Variants in MRPL42 observed in about 807,000 individuals in gnomAD.
The protein encoded by MRPL42 is mitochondrial ribosomal protein L42.
MRPL42 carries 17 observed loss-of-function variants against 17.9 expected under a neutral mutation model. The observed-to-expected ratio is 0.95, with a 90% CI of 0.65 to 1.42. The LOEUF (loss-of-function observed/expected upper bound fraction) is 1.42, where lower values mean the gene tolerates loss of function less well. Among genes scored for constraint, MRPL42 ranks in the 40% most tolerant of loss-of-function variants. MRPL42 has a pLI of 0.00. For synonymous variants in MRPL42, 59 were observed against 54.4 expected, an observed-to-expected ratio of 1.08 and a Z score of -0.37; for missense variants, 177 against 175.2, an observed-to-expected ratio of 1.01 and a Z score of -0.06.
chr12:93,472,389 C>A (rs1171930646), intron 2 of MRPL42, among the ~76,000 whole-genome samples: 1 of 151,940 alleles, frequency 6.6e-6, no homozygotes, highest in African/African-American at 2.4e-5. Context: ...CCAGGCTGGG[C>A]AACATAGGAA....
rs1350297637 is a variant in MRPL42 at position 93,505,574 on chromosome 12, A to G, written c.*4353A>G. ...TCAAACATTCTAACACCAAAGAAAG[A>G]TACTCCCAATTGAGCTCAGCCATCA... On this transcript the variant is annotated 3_prime_UTR_variant, in exon 6 of 6. Transcript: ENST00000549982. 1 of 152,178 alleles carries G rather than the reference A, an allele frequency of 6.6e-6. No individual in the cohort carries two copies. The highest frequency in any genetic ancestry group is 2.4e-5 in the African/African-American group (1 of 41,434). 9.4% of individuals were successfully genotyped at this position (152,178 alleles called of 1,614,324 possible).
rs938002498 is a variant in MRPL42 at position 93,510,487 on chromosome 12, C to G, written c.*9266C>G. ...AAGAGCACAATTGTTGGATTGAATGCTAAGAGAATGTTTCGTTTTGTAAAA... is the reference window on the plus strand; with the variant it reads ...AAGAGCACAATTGTTGGATTGAATGGTAAGAGAATGTTTCGTTTTGTAAAA... On this transcript the variant is annotated 3_prime_UTR_variant, in exon 6 of 6. Transcript: ENST00000549982. 4 of 152,184 alleles carry G rather than the reference C, an allele frequency of 2.6e-5. No homozygotes were observed. The highest frequency in any genetic ancestry group is 5.9e-5 in the Non-Finnish European group (4 of 68,044). The allele number at this position is 152,184 out of a possible 1,614,324, so 9.4% of individuals were successfully genotyped here.
At chr12:93,467,919 G>T (rs148577392) in intron 1 of MRPL42, among the ~76,000 whole-genome samples, 27 of 152,278 alleles carry the variant, frequency 1.8e-4, no homozygotes, top group African/African-American at 6.3e-4. Flanking sequence ...TCTCTGAAAT[G>T]ATCTTCCTGG....
intron 5 of MRPL42, among the ~76,000 whole-genome samples, chr12:93,490,064 T>C (rs1452517445): frequency 6.6e-6 from 1 of 152,220 alleles, no homozygotes; most frequent in Non-Finnish European, 1.5e-5. Flanking sequence ...GTTCAAACCT[T>C]GTTTCAACTT....
chr12:93,481,611 A>G (rs977642794), intron 4 of MRPL42, among the ~76,000 whole-genome samples: 1 of 152,084 alleles, frequency 6.6e-6, no homozygotes, highest in Non-Finnish European at 1.5e-5. Flanking sequence ...CTTTTACTTC[A>G]ATATCCATGT....
At position 93,507,613 on chromosome 12, in the gene MRPL42, G is replaced by A. The variant is rs1344810833; in HGVS notation, c.*6392G>A. On this transcript the variant is annotated 3_prime_UTR_variant, in exon 6 of 6. Coordinates refer to ENST00000549982, the MANE Select transcript of MRPL42 (RefSeq NM_014050.4). The stretch of plus-strand genomic sequence containing the variant: ...TGCGTTCTTCCAGGTAATTCTTATA[G>A]TCTGGATCCAGCTCAGCTTATCTTG... 6.6e-6 allele frequency: 1 copy of A among 152,158 alleles called. No homozygotes were observed. The highest frequency in any genetic ancestry group is 2.4e-5 in the African/African-American group (1 of 41,434). The allele number at this position is 152,158 out of a possible 1,614,324, so 9.4% of individuals were successfully genotyped here.
intron 4 of MRPL42, among the ~76,000 whole-genome samples, chr12:93,480,908 G>T (rs531960822): frequency 6.6e-6 from 1 of 152,144 alleles, no homozygotes; most frequent in East Asian, 1.9e-4. Flanking sequence ...CAAAAGCCAG[G>T]TATCATAGGT....
In MRPL42 at chr12:93,505,787, T is replaced by C. The variant is rs1953663113; in HGVS notation, c.*4566T>C. The C allele has an allele frequency of 6.6e-6, 1 of 152,224 alleles. No individual in the cohort carries two copies. Among genetic ancestry groups the C allele is most frequent in the Non-Finnish European group, 1.5e-5 (1 of 68,050 alleles). 9.4% of individuals were successfully genotyped at this position (152,224 alleles called of 1,614,324 possible). A position where few individuals can be genotyped will look rare whatever the true frequency, so the allele number is the denominator to read the frequency against. ...CTTCTGCAGAAATGCTTCACAGCCATGACTGCTTGAATTCTTGTCATGTTG... is the reference window on the plus strand; with the variant it reads ...CTTCTGCAGAAATGCTTCACAGCCACGACTGCTTGAATTCTTGTCATGTTG... On this transcript the variant is annotated 3_prime_UTR_variant, in exon 6 of 6. Coordinates refer to ENST00000549982, the MANE Select transcript of MRPL42 (RefSeq NM_014050.4).
rs1953703763 is a variant in MRPL42, at chr12:93,509,405, G to A, written c.*8184G>A. ...ACATTAAGTTTTGATTCAGGTACTT[G>A]TTGGGCACTCATATCTTTGGTGAAA... On this transcript the variant is annotated 3_prime_UTR_variant, in exon 6 of 6. Transcript: ENST00000549982. The A allele has an allele frequency of 6.6e-6, 1 of 151,760 alleles. No individual in the cohort carries two copies. The highest frequency in any genetic ancestry group is 6.6e-5 in the Admixed American group (1 of 15,218). The allele number at this position is 151,760 out of a possible 1,614,324, so 9.4% of individuals were successfully genotyped here.
Position 93,477,013 on chromosome 12 carries a change from A to G in MRPL42, c.130A>G (p.Asn44Asp). ...GTATTCTCCTCTACCAGATGACTATAATTGGTATGTATTAAAATTCAATTG... is the reference window on the plus strand; with the variant it reads ...GTATTCTCCTCTACCAGATGACTATGATTGGTATGTATTAAAATTCAATTG... Reference protein sequence around the residue: ...STYSPLPDDYNCNVELALTSD... With the variant: ...STYSPLPDDYDCNVELALTSD... The change falls in exon 3 of 6, where the codon AAT (asparagine) becomes GAT (aspartate). Residue 44 changes from asparagine to aspartate, a missense_variant. Physicochemically the swap from Asn to Asp is conservative, Grantham distance 23. Coordinates refer to ENST00000549982, the MANE Select transcript of MRPL42 (RefSeq NM_014050.4). The G allele has an allele frequency of 6.3e-7, 1 of 1,582,230 alleles. No individual in the cohort carries two copies.
chr12:93,480,416 C>T (rs145985898), intron 4 of MRPL42, among the ~76,000 whole-genome samples: 59 of 151,860 alleles, frequency 3.9e-4, no homozygotes, highest in African/African-American at 1.3e-3. Flanking sequence ...CCACCGTGCC[C>T]GGCCTTGATT....
In MRPL42 at chr12:93,513,178, T is replaced by G. The variant is rs1419579872; in HGVS notation, c.*11957T>G. The G allele has an allele frequency of 7.7e-6, 1 of 130,292 alleles. No homozygotes were observed. Among genetic ancestry groups the G allele is most frequent in the Non-Finnish European group, 1.6e-5 (1 of 61,960 alleles). The allele number at this position is 130,292 out of a possible 1,614,324, so 8.1% of individuals were successfully genotyped here. A position where few individuals can be genotyped will look rare whatever the true frequency, so the allele number is the denominator to read the frequency against. ...AAAGAAACCAGCTCATTTGTGACAT[T>G]TAGAATTTTTTTTTTTTTTTTTTTT... is the stretch of plus-strand genomic sequence containing the variant. On this transcript the variant is annotated 3_prime_UTR_variant, in exon 6 of 6. Transcript: ENST00000549982.
chr12:93,469,028 A>G (rs910836887), intron 1 of MRPL42, among the ~76,000 whole-genome samples, 164 bp from the exon 2 acceptor site: 2 of 152,224 alleles, frequency 1.3e-5, no homozygotes, highest in African/African-American at 4.8e-5. Flanking sequence ...TATTCTGTCC[A>G]TGTCGCTCTT....
chr12:93,494,683 T>G (rs1953463155), intron 5 of MRPL42, among the ~76,000 whole-genome samples: 1 of 149,302 alleles, frequency 6.7e-6, no homozygotes. Flanking sequence ...GATTTGGAAG[T>G]CATCATCACA....
chr12:93,507,156 G>A lies in MRPL42; in HGVS notation c.*5935G>A, dbSNP rs1953680196. The A allele has an allele frequency of 6.6e-6, 1 of 152,242 alleles. No homozygotes were observed. The highest frequency in any genetic ancestry group is 1.5e-5 in the Non-Finnish European group (1 of 68,050). 9.4% of individuals were successfully genotyped at this position (152,242 alleles called of 1,614,324 possible). A position where few individuals can be genotyped will look rare whatever the true frequency, so the allele number is the denominator to read the frequency against. On this transcript the variant is annotated 3_prime_UTR_variant, in exon 6 of 6. Coordinates refer to ENST00000549982, the MANE Select transcript of MRPL42 (RefSeq NM_014050.4). The stretch of plus-strand genomic sequence containing the variant: ...AAGATTTAACAACTGGTTCTAACTT[G>A]TAATGTTTGCCAGTTTCCATGACTG...
rs569940589 is a variant in MRPL42 at position 93,512,429 on chromosome 12, A to T, written c.*11208A>T. ...ATTGTGCCACTGCACACCAGCCTGG[A>T]TAAAAAGAGTGAAACTCTGCCTCAA... On this transcript the variant is annotated 3_prime_UTR_variant, in exon 6 of 6. Coordinates refer to ENST00000549982, the MANE Select transcript of MRPL42 (RefSeq NM_014050.4). 16 of 152,314 alleles carry T rather than the reference A, an allele frequency of 1.1e-4. No homozygotes were observed. The highest frequency in any genetic ancestry group is 3.8e-4 in the African/African-American group (16 of 41,572). The allele number at this position is 152,314 out of a possible 1,614,324, so 9.4% of individuals were successfully genotyped here. A position where few individuals can be genotyped will look rare whatever the true frequency, so the allele number is the denominator to read the frequency against.
Position 93,487,625 on chromosome 12 carries a change from C to G in MRPL42, c.348C>G (p.Phe116Leu). 6.2e-7 allele frequency: 1 copy of G among 1,613,306 alleles called. No homozygotes were observed. Among genetic ancestry groups the G allele is most frequent in the Non-Finnish European group, 8.5e-7 (1 of 1,179,462 alleles). ...GPMIEQLSKM[F>L]FTTKHRWYPH... ...TGATAGAACAACTTAGCAAAATGTTCTTTACTACTAAGCACCGTTGGTATC... is the reference window on the plus strand; with the variant it reads ...TGATAGAACAACTTAGCAAAATGTTGTTTACTACTAAGCACCGTTGGTATC... Residue 116 changes from phenylalanine to leucine, a missense_variant, in exon 5 of 6, where the codon TTC (phenylalanine) becomes TTG (leucine). Physicochemically the swap from Phe to Leu is conservative, Grantham distance 22 (BLOSUM62 0). Transcript: ENST00000549982.
In MRPL42 at chr12:93,475,025, G is replaced by A. The variant is rs144029207; in HGVS notation, c.71-1929G>A. ...GGAGAATTGCTTGAACATGGGAGGCGGAGGTTGCAATGAGCTGAGATAGAC... is the reference window on the plus strand; with the variant it reads ...GGAGAATTGCTTGAACATGGGAGGCAGAGGTTGCAATGAGCTGAGATAGAC... On this transcript the variant is annotated intron_variant, in intron 2 of 5. Transcript: ENST00000549982. 3.1e-3 allele frequency among the ~76,000 whole-genome samples: 470 copies of A among 152,244 alleles called. 5 individuals carry two copies. Among genetic ancestry groups the A allele is most frequent in the African/African-American group, 0.011 (442 of 41,550 alleles).
intron 2 of MRPL42, among the ~76,000 whole-genome samples, chr12:93,473,620 G>A (rs906112789): frequency 4.0e-5 from 6 of 151,618 alleles, no homozygotes; most frequent in African/African-American, 1.5e-4. Context: ...TAGTAGAGAT[G>A]GGGTTCCACC....
Sources: allele counts gnomAD v4.1 joint callset (sites outside exome capture counted in the v4.1 genomes callset), GRCh38; gene constraint gnomAD v4.1.1; transcripts MANE v1.5; gene names NCBI Gene and HGNC (gene_info 2026-07-23, HGNC 2026-07-21).